ANXA11: variants seen among roughly 807,000 people sequenced by gnomAD.
The protein encoded by ANXA11 is annexin A11.
Under a neutral mutation model 64.7 loss-of-function variants are expected in ANXA11, and 57 were observed. The observed-to-expected ratio is 0.88, with a 90% CI of 0.71 to 1.10. The LOEUF is 1.10. Ranked by LOEUF, ANXA11 falls within the 50% of genes least tolerant of loss-of-function variation. The pLI, the probability that ANXA11 is intolerant of heterozygous loss-of-function variation, is 0.00. For synonymous variants in ANXA11, 260 were observed against 265.2 expected, an observed-to-expected ratio of 0.98 and a Z score of 0.19; for missense variants, 675 against 670.7, an observed-to-expected ratio of 1.01 and a Z score of -0.07.
chr10:80,166,327 T>C lies in ANXA11; in HGVS notation c.745-130A>G. The C allele has an allele frequency of 4.9e-6, 3 of 607,044 alleles. No homozygotes were observed. In the East Asian group the frequency reaches 8.4e-5, roughly 17 times the overall value. 37.6% of individuals were successfully genotyped at this position (607,044 alleles called of 1,614,324 possible). On this transcript the variant is annotated intron_variant, in intron 7 of 15. Transcript: ENST00000422982. ...GCAGCATGGACATCCCCCAGGGGCC[T>C]GAGAGAAAAGCCTGCTCTCAGCCCT... is the stretch of plus-strand genomic sequence containing the variant.
intron 1 of ANXA11, among the ~76,000 whole-genome samples, chr10:80,198,771 G>C (rs1193412141): frequency 6.6e-6 from 1 of 152,056 alleles, no homozygotes. Flanking sequence ...GAGAGAGAGA[G>C]ACGGGGCTCC....
At chr10:80,166,321 G>C (rs564219519) in intron 7 of ANXA11, 124 bp from the exon 8 acceptor site, 93 of 615,326 alleles carry the variant, frequency 1.5e-4, no homozygotes, top group East Asian at 5.6e-5. Flanking sequence ...ACATCCCCCA[G>C]GGGCCTGAGA....
intron 5 of ANXA11, among the ~76,000 whole-genome samples, chr10:80,168,257 G>C (rs1039018387): frequency 1.4e-5 from 2 of 146,722 alleles, no homozygotes; most frequent in Non-Finnish European, 3.1e-5. Context: ...TGTGCCGGGG[G>C]GGGCGGGGGT....
chr10:80,159,272 C>G (rs556439937), intron 12 of ANXA11, 77 bp from the exon 13 acceptor site: 165 of 1,139,840 alleles, frequency 1.4e-4, no homozygotes, highest in Non-Finnish European at 2.1e-4. Flanking sequence ...TCCCAACTCC[C>G]AGGACTTCAG....
At chr10:80,187,734 C>T (rs1000214679) in intron 1 of ANXA11, among the ~76,000 whole-genome samples, 3 of 152,264 alleles carry the variant, frequency 2.0e-5, no homozygotes, top group Middle Eastern at 3.4e-3. Flanking sequence ...GAGCTTCTGC[C>T]AGGGCCCGCC....
At chr10:80,159,272 C>T in intron 12 of ANXA11, 77 bp from the exon 13 acceptor site, 1 of 1,139,958 alleles carries the variant, frequency 8.8e-7, no homozygotes, top group South Asian at 1.2e-5. Context: ...TCCCAACTCC[C>T]AGGACTTCAG....
At chr10:80,175,365 C>T (rs1344433669) in intron 2 of ANXA11, among the ~76,000 whole-genome samples, 1 of 152,080 alleles carries the variant, frequency 6.6e-6, no homozygotes, top group Non-Finnish European at 1.5e-5. Flanking sequence ...CTAGGCAGGA[C>T]CTTTGAGCAC....
chr10:80,179,476 C>A (rs1017047368), intron 1 of ANXA11, among the ~76,000 whole-genome samples: 6 of 152,212 alleles, frequency 3.9e-5, no homozygotes, highest in Non-Finnish European at 7.3e-5. Context: ...CGAATATACT[C>A]TTCTTCACAA....
At chr10:80,184,342 T>C (rs924253776) in intron 1 of ANXA11, among the ~76,000 whole-genome samples, 5 of 152,330 alleles carry the variant, frequency 3.3e-5, no homozygotes, top group East Asian at 3.9e-4. Flanking sequence ...CCCCAACTTA[T>C]GATGGTTCGA....
At chr10:80,186,828 C>T (rs1846559006) in intron 1 of ANXA11, among the ~76,000 whole-genome samples, 1 of 152,254 alleles carries the variant, frequency 6.6e-6, no homozygotes, top group Admixed American at 6.5e-5. Flanking sequence ...CTCCGTCACG[C>T]TCCTCCATGG....
chr10:80,159,918 T>C (rs1845437438), intron 12 of ANXA11, among the ~76,000 whole-genome samples: 1 of 152,204 alleles, frequency 6.6e-6, no homozygotes, highest in African/African-American at 2.4e-5. Context: ...AGCCTGCCTG[T>C]GAGCTGAGGC....
At chr10:80,167,171 C>T in intron 6 of ANXA11, 55 bp downstream of exon 6, 2 of 1,569,822 alleles carry the variant, frequency 1.3e-6, no homozygotes, top group Non-Finnish European at 1.8e-6. Context: ...CACAGTGAAA[C>T]TGCCTGGGAA....
At chr10:80,161,350 C>T (rs564405673) in intron 12 of ANXA11, among the ~76,000 whole-genome samples, 7 of 152,346 alleles carry the variant, frequency 4.6e-5, no homozygotes, top group Non-Finnish European at 8.8e-5. Flanking sequence ...GCCCAAGCAC[C>T]TCCCGGTGGA....
At position 80,155,873 on chromosome 10, in the gene ANXA11, T is replaced by C. The variant is rs1366949349; in HGVS notation, c.1498A>G (p.Ile500Val). The change falls in exon 16 of 16, where the codon ATC becomes GTC. Residue 500 changes from isoleucine to valine, a missense_variant. Coordinates refer to ENST00000422982, the MANE Select transcript of ANXA11 (RefSeq NM_145868.2). ...SGDYRKILLK[I>V]CGGND ...ACTGTTCAGTCATTGCCACCACAGATCTTCAGCAGAATCTTCCGGTAATCC... is the reference window on the plus strand; with the variant it reads ...ACTGTTCAGTCATTGCCACCACAGACCTTCAGCAGAATCTTCCGGTAATCC... The C allele has an allele frequency of 6.2e-7, 1 of 1,614,096 alleles. No individual in the cohort carries two copies. The highest frequency in any genetic ancestry group is 8.5e-7 in the Non-Finnish European group (1 of 1,180,044).
intron 1 of ANXA11, among the ~76,000 whole-genome samples, chr10:80,184,943 G>A (rs1846486432): frequency 6.6e-6 from 1 of 152,172 alleles, no homozygotes; most frequent in Non-Finnish European, 1.5e-5. Context: ...CTGGGGACTG[G>A]CCTCTGCTTT....
Position 80,169,093 on chromosome 10 carries a change from C to T in ANXA11, c.437G>A (p.Gly146Glu). The change falls in exon 5 of 16, where the codon GGG (glycine) becomes GAG (glutamate). Residue 146 changes from glycine (G) to glutamate (E), a missense_variant. Physicochemically the swap from Gly to Glu is moderately conservative, Grantham distance 98. Transcript: ENST00000422982. ...PGQQPPGAYP[G>E]QPPVTYPGQP... Reference sequence around the variant, plus strand: ...ACCAGGGTAGGTCACTGGTGGCTGCCCAGGGTAGGCCCCTGGGGGCTGCTG... The same window carrying T: ...ACCAGGGTAGGTCACTGGTGGCTGCTCAGGGTAGGCCCCTGGGGGCTGCTG... The T allele has an allele frequency of 1.3e-6, 2 of 1,533,788 alleles. No homozygotes were observed. Among genetic ancestry groups the T allele is most frequent in the Non-Finnish European group, 1.7e-6 (2 of 1,146,282 alleles).
At chr10:80,167,046 C>A (rs41314495) in intron 6 of ANXA11, 62 bp from the exon 7 acceptor site, 2 of 1,399,258 alleles carry the variant, frequency 1.4e-6, no homozygotes, top group Non-Finnish European at 2.0e-6. Flanking sequence ...GCAGCTGAGA[C>A]TTCCCTGGCC....
intron 5 of ANXA11, among the ~76,000 whole-genome samples, chr10:80,167,876 G>A (rs761155963): frequency 1.1e-4 from 16 of 152,130 alleles, no homozygotes; most frequent in Non-Finnish European, 2.2e-4. Flanking sequence ...GCACAAACCC[G>A]CAAACTGGAA....
At chr10:80,159,073 G>T in intron 13 of ANXA11, 27 bp downstream of exon 13, 2 of 1,580,226 alleles carry the variant, frequency 1.3e-6, no homozygotes, top group Non-Finnish European at 1.7e-6. Flanking sequence ...GCCCCTGGCA[G>T]GTGGGCGGCA....
Sources: gnomAD v4.1 joint callset for allele counts (sites outside exome capture counted in the v4.1 genomes callset) on GRCh38, gnomAD v4.1.1 for gene constraint, MANE v1.5 for transcripts, NCBI Gene and HGNC (gene_info 2026-07-23, HGNC 2026-07-21) for gene names.